Variants in PCNX3 observed in about 807,000 individuals in gnomAD.
The protein encoded by PCNX3 is pecanex-like protein 3.
PCNX3 carries 58 observed loss-of-function variants against 207.2 expected under a neutral mutation model. The observed-to-expected ratio is 0.28, with a 90% CI of 0.23 to 0.35. The LOEUF (loss-of-function observed/expected upper bound fraction) is 0.35, where lower values mean the gene tolerates loss of function less well. Among genes scored for constraint, PCNX3 ranks in the 10% least tolerant of loss-of-function variants. PCNX3 has a pLI of 1.00. For missense variants in PCNX3, 2,410 were observed against 2,774.4 expected, an observed-to-expected ratio of 0.87 and a Z score of 2.95; for synonymous variants, 1,337 against 1,183.5, an observed-to-expected ratio of 1.13 and a Z score of -2.66.
intron 6 of PCNX3, 174 bp from the exon 7 acceptor site, chr11:65,619,363 C>T (rs1421086805): frequency 1.3e-5 from 12 of 890,854 alleles, no homozygotes; most frequent in Non-Finnish European, 1.6e-5. Flanking sequence ...CAGTGTCATC[C>T]TTGTTTGCAA....
chr11:65,628,918 G>A lies in PCNX3; in HGVS notation c.3911G>A (p.Arg1304Gln). 1 of 1,612,224 alleles carries A rather than the reference G, an allele frequency of 6.2e-7. No individual in the cohort carries two copies. Among genetic ancestry groups the A allele is most frequent in the Non-Finnish European group, 8.5e-7 (1 of 1,179,786 alleles). ...GSAVFIMSYA[R>Q]PLKFWERDYN... ...GCCGTCTTCATCATGTCCTACGCTC[G>A]GCCCCTCAAGTTCTGGGAGCGCGAC... The change falls in exon 24 of 35, where the codon CGG becomes CAG. Residue 1304 changes from arginine to glutamine, a missense_variant. Physicochemically the swap from Arg to Gln is conservative, Grantham distance 43. Transcript: ENST00000355703.
At chr11:65,630,093 C>T (rs1364308359) in intron 26 of PCNX3, among the ~76,000 whole-genome samples, 1 of 152,214 alleles carries the variant, frequency 6.6e-6, no homozygotes, top group East Asian at 1.9e-4. Flanking sequence ...CTCAGGAAGA[C>T]GTGTGTGTTG....
At chr11:65,624,885 T>C in intron 15 of PCNX3, 40 bp from the exon 16 acceptor site, 4 of 1,570,736 alleles carry the variant, frequency 2.5e-6, no homozygotes, top group Non-Finnish European at 3.5e-6. Context: ...GTGGGGTACC[T>C]GCAAGTGAGA....
intron 27 of PCNX3, among the ~76,000 whole-genome samples, chr11:65,633,290 C>T (rs959446869): frequency 6.6e-6 from 1 of 152,254 alleles, no homozygotes; most frequent in Non-Finnish European, 1.5e-5. Context: ...TTTTGCCCAA[C>T]AGGGCCTTTT....
At chr11:65,617,854 A>G in intron 5 of PCNX3, 86 bp from the exon 6 acceptor site, 3 of 1,469,744 alleles carry the variant, frequency 2.0e-6, no homozygotes, top group South Asian at 1.3e-5. Flanking sequence ...TCTCAGGGAA[A>G]GTACAGGGCA....
intron 32 of PCNX3, 33 bp from the exon 33 acceptor site, chr11:65,636,141 C>G: frequency 6.3e-7 from 1 of 1,581,768 alleles, no homozygotes; most frequent in East Asian, 2.3e-5. Context: ...AGCCGTGTCC[C>G]TCCTGATCCC....
chr11:65,628,816 C>G lies in PCNX3; in HGVS notation c.3812-3C>G, dbSNP rs1478507091. The G allele has an allele frequency of 6.2e-7, 1 of 1,611,152 alleles. No individual in the cohort carries two copies. The highest frequency in any genetic ancestry group is 1.1e-5 in the South Asian group (1 of 91,030). ...GCCCGCCGCCTCCTTGACTGTGGCT[C>G]AGACTCGGCCATGCTGTTCGTCCAG... On this transcript the variant is annotated splice_region_variant and splice_polypyrimidine_tract_variant and intron_variant, in intron 23 of 34. Transcript: ENST00000355703.
At position 65,616,475 on chromosome 11, in the gene PCNX3, A is replaced by T; in HGVS notation, c.153+11A>T. 1 of 1,598,690 alleles carries T rather than the reference A, an allele frequency of 6.3e-7. No homozygotes were observed. The highest frequency in any genetic ancestry group is 8.5e-7 in the Non-Finnish European group (1 of 1,175,450). Reference sequence around the variant, plus strand: ...TTCTTACTGTACATGGTGAGACGCCACGGCCACCTGTAACTCCAGCCGGGA... The same window carrying T: ...TTCTTACTGTACATGGTGAGACGCCTCGGCCACCTGTAACTCCAGCCGGGA... On this transcript the variant is annotated intron_variant, in intron 1 of 34. Coordinates refer to ENST00000355703, the MANE Select transcript of PCNX3 (RefSeq NM_032223.4).
rs576335896 is a variant in PCNX3, at chr11:65,618,715, C to T, written c.1353C>T (p.Ser451=). The change falls in exon 6 of 35, where the codon TCC becomes TCT. Residue 451 remains serine, a synonymous_variant. Coordinates refer to ENST00000355703, the MANE Select transcript of PCNX3 (RefSeq NM_032223.4). The part of the protein sequence containing the change: ...RYSTDSSSST[S]CYSPESSRGA... ...GTACTGACAGCTCCTCTTCTACTTC[C>T]TGCTACTCCCCTGAGAGCTCCCGGG... 2.5e-5 allele frequency: 40 copies of T among 1,612,888 alleles called. No homozygotes were observed. Among genetic ancestry groups the T allele is most frequent in the South Asian group, 7.7e-5 (7 of 91,072 alleles).
At position 65,622,435 on chromosome 11, in the gene PCNX3, AC is replaced by A. The variant is rs1855157319; in HGVS notation, c.2357+71del. 29 of 1,487,182 alleles carry A rather than the reference AC, an allele frequency of 1.9e-5. No homozygotes were observed. In the South Asian group the frequency reaches 3.1e-4, roughly 16 times the overall value. 92.1% of individuals were successfully genotyped at this position (1,487,182 alleles called of 1,614,324 possible). The stretch of plus-strand genomic sequence containing the variant: ...TGGACCTTGGCTCCCCAGACTCTGT[AC>A]CTGTGGAGGCAGTCATGGCAGCAGA... On this transcript the variant is annotated intron_variant, in intron 11 of 34. Transcript: ENST00000355703.
intron 32 of PCNX3, 40 bp from the exon 33 acceptor site, chr11:65,636,134 C>G: frequency 1.3e-6 from 2 of 1,574,922 alleles, no homozygotes; most frequent in East Asian, 2.3e-5. Flanking sequence ...TGGCCTCAGC[C>G]GTGTCCCTCC....
At position 65,636,326 on chromosome 11, in the gene PCNX3, G is replaced by T. The variant is rs1590910423; in HGVS notation, c.5593+19G>T. The T allele has an allele frequency of 1.2e-6, 2 of 1,610,288 alleles. No homozygotes were observed. Among genetic ancestry groups the T allele is most frequent in the Non-Finnish European group, 1.7e-6 (2 of 1,177,964 alleles). On this transcript the variant is annotated intron_variant, in intron 33 of 34. Coordinates refer to ENST00000355703, the MANE Select transcript of PCNX3 (RefSeq NM_032223.4). ...ACGGCAGGTGAGCAGGCGAGGCTGG[G>T]CTGAACCCGTGGGTGAGGAGTGCAG...
chr11:65,621,673 A>G (rs537724513), intron 10 of PCNX3, among the ~76,000 whole-genome samples: 5 of 152,302 alleles, frequency 3.3e-5, no homozygotes, highest in Admixed American at 2.6e-4. Flanking sequence ...CTGGCTCGCC[A>G]TTTTATCCTT....
At chr11:65,632,990 C>G (rs1421261173) in intron 27 of PCNX3, among the ~76,000 whole-genome samples, 3 of 152,038 alleles carry the variant, frequency 2.0e-5, no homozygotes, top group African/African-American at 7.2e-5. Context: ...AGCGATCCTC[C>G]CACCTCCACC....
intron 27 of PCNX3, among the ~76,000 whole-genome samples, chr11:65,632,401 C>T (rs140807303): frequency 6.6e-6 from 1 of 151,340 alleles, no homozygotes; most frequent in African/African-American, 2.4e-5. Context: ...TCGAGGTTGG[C>T]CAGTCGAGGC....
intron 27 of PCNX3, 48 bp downstream of exon 27, chr11:65,630,652 G>A (rs368131824): frequency 5.6e-5 from 88 of 1,583,438 alleles, no homozygotes; most frequent in Non-Finnish European, 6.7e-5. Flanking sequence ...GCGGGTGAGC[G>A]CTCGCTGACC....
intron 11 of PCNX3, among the ~76,000 whole-genome samples, chr11:65,622,632 G>C (rs983786691): frequency 1.3e-5 from 2 of 152,218 alleles, no homozygotes; most frequent in East Asian, 3.8e-4. Context: ...GTCTCTCTCT[G>C]TCGTCCAGGC....
chr11:65,622,267 C>G lies in PCNX3; in HGVS notation c.2258C>G (p.Ala753Gly), dbSNP rs199905444. ...CAGGAGCAGACACTGATGGAAGAAG[C>G]GCCACCCCGGGCCCAGCATAGTTAC... ...IPEEQTLMEE[A>G]PPRAQHSYKY... The change falls in exon 11 of 35, where the codon GCG becomes GGG. Residue 753 changes from alanine (A) to glycine (G), a missense_variant. Physicochemically the swap from Ala to Gly is moderately conservative, Grantham distance 60. Coordinates refer to ENST00000355703, the MANE Select transcript of PCNX3 (RefSeq NM_032223.4). The G allele has an allele frequency of 1.2e-6, 2 of 1,602,340 alleles. No individual in the cohort carries two copies. The highest frequency in any genetic ancestry group is 2.7e-5 in the African/African-American group (2 of 74,636).
At position 65,637,188 on chromosome 11, in the gene PCNX3, C is replaced by G. The variant is rs1023317613; in HGVS notation, c.*210C>G. On this transcript the variant is annotated 3_prime_UTR_variant, in exon 35 of 35. Transcript: ENST00000355703. ...ATCCCCAGTCCAGGGCCTGGGCTCC[C>G]CAGATGGAGGCAGTCAGCCTCCCAG... 3.3e-6 allele frequency: 2 copies of G among 599,874 alleles called. No individual in the cohort carries two copies. Among genetic ancestry groups the G allele is most frequent in the Non-Finnish European group, 5.8e-6 (2 of 345,142 alleles). 37.2% of individuals were successfully genotyped at this position (599,874 alleles called of 1,614,324 possible).
Sources: allele counts gnomAD v4.1 joint callset (sites outside exome capture counted in the v4.1 genomes callset), GRCh38; gene constraint gnomAD v4.1.1; transcripts MANE v1.5; gene names NCBI Gene and HGNC (gene_info 2026-07-23, HGNC 2026-07-21).